Variants in RASSF3 observed in about 807,000 individuals in gnomAD.
The protein encoded by RASSF3 is Ras association domain family member 3.
In RASSF3, 19 loss-of-function variants were observed where a neutral mutation model predicts 19.9. That is an observed-to-expected ratio of 0.96 (90% CI 0.67 to 1.40). The LOEUF (loss-of-function observed/expected upper bound fraction) is 1.40, where lower values mean the gene tolerates loss of function less well. Ranked by LOEUF, RASSF3 falls within the 40% of genes most tolerant of loss-of-function variation. The pLI is 0.00. For missense variants in RASSF3, 306 were observed against 289.8 expected (o/e 1.06, Z -0.41); for synonymous variants, 110 against 104.2 (o/e 1.06, Z -0.34).
chr12:64,675,978 A>G (rs1872884560), intron 1 of RASSF3, among the ~76,000 whole-genome samples: 1 of 151,806 alleles, frequency 6.6e-6, no homozygotes, highest in Non-Finnish European at 1.5e-5. Context: ...AGTGGCCAGG[A>G]TGAATCAGCA....
At chr12:64,524,655 G>A (rs1450590275) in intron 1 of RASSF3, among the ~76,000 whole-genome samples, 1 of 152,096 alleles carries the variant, frequency 6.6e-6, no homozygotes, top group Middle Eastern at 3.2e-3. Context: ...GAGAACCACT[G>A]ACTTTTAATG....
intron 2 of RASSF3, among the ~76,000 whole-genome samples, chr12:64,593,422 A>G (rs1380833490): frequency 6.6e-6 from 1 of 152,080 alleles, no homozygotes; most frequent in East Asian, 1.9e-4. Flanking sequence ...GGGTTTTGCC[A>G]TGTTGCCCAG....
chr12:64,578,836 A>T (rs897869073), intron 2 of RASSF3, among the ~76,000 whole-genome samples: 1 of 152,184 alleles, frequency 6.6e-6, no homozygotes, highest in Non-Finnish European at 1.5e-5. Context: ...CTTGCAATTC[A>T]TAAACTCTAT....
chr12:64,688,355 C>T lies in RASSF3; in HGVS notation c.359C>T (p.Thr120Ile). The part of the protein sequence containing the change: ...MNTLHISSTN[T>I]VGEVIEALLK... Reference sequence around the variant, plus strand: ...ACACTTCATATCAGCAGCACAAACACTGTCGGGGAAGTGATCGAGGCCCTG... The same window carrying T: ...ACACTTCATATCAGCAGCACAAACATTGTCGGGGAAGTGATCGAGGCCCTG... The change falls in exon 3 of 5, where the codon ACT (threonine) becomes ATT (isoleucine). Residue 120 changes from threonine to isoleucine, a missense_variant. Thr to Ile is a moderately conservative substitution (Grantham distance 89, BLOSUM62 -1). Coordinates refer to ENST00000542104, the MANE Select transcript of RASSF3 (RefSeq NM_178169.4). 3 of 1,614,198 alleles carry T rather than the reference C, an allele frequency of 1.9e-6. No homozygotes were observed. The highest frequency in any genetic ancestry group is 2.5e-6 in the Non-Finnish European group (3 of 1,180,022).
chr12:64,533,559 G>T (rs892720618), intron 1 of RASSF3: 1 of 152,138 alleles, frequency 6.6e-6, no homozygotes, highest in Admixed American at 6.5e-5. Flanking sequence ...GTAGGCAAAC[G>T]TGCTTTCAAA....
intron 2 of RASSF3, among the ~76,000 whole-genome samples, chr12:64,571,852 C>CACAA (rs1179769346): frequency 6.6e-6 from 1 of 152,176 alleles, no homozygotes; most frequent in Admixed American, 6.6e-5. Flanking sequence ...TTGCTGCATA[C>CACAA]ACAAAGTAAG....
intron 1 of RASSF3, among the ~76,000 whole-genome samples, chr12:64,618,971 C>T (rs544148932): frequency 6.6e-6 from 1 of 151,982 alleles, no homozygotes; most frequent in South Asian, 2.1e-4. Context: ...TAAAAAATTG[C>T]AATTACATGT....
At chr12:64,622,812 TTTTCTTTTTTC>T (rs1260560336) in intron 1 of RASSF3, among the ~76,000 whole-genome samples, 2 of 151,762 alleles carry the variant, frequency 1.3e-5, no homozygotes, top group East Asian at 3.9e-4. Context: ...ACTGTGAAAA[TTTTCTTTTTTC>T]TTTCTTTTTT....
intron 1 of RASSF3, among the ~76,000 whole-genome samples, chr12:64,675,050 C>A (rs1204949496): frequency 8.5e-6 from 1 of 117,204 alleles, no homozygotes; most frequent in African/African-American, 3.3e-5. Context: ...ACCTAGCCCC[C>A]CCCCCCCCCG....
intron 2 of RASSF3, among the ~76,000 whole-genome samples, chr12:64,550,189 A>G (rs1314735908): frequency 6.6e-6 from 1 of 152,142 alleles, no homozygotes; most frequent in Non-Finnish European, 1.5e-5. Context: ...TCTTGCTTTA[A>G]AACTAAGGAA....
At chr12:64,612,384 C>T (rs1025500559) in intron 1 of RASSF3, among the ~76,000 whole-genome samples, 3 of 151,998 alleles carry the variant, frequency 2.0e-5, no homozygotes, top group African/African-American at 7.2e-5. Context: ...GCCACAAGGG[C>T]CAAACTATTC....
chr12:64,613,377 T>G (rs1870439909), intron 1 of RASSF3, among the ~76,000 whole-genome samples: 1 of 151,338 alleles, frequency 6.6e-6, no homozygotes, highest in South Asian at 2.1e-4. Context: ...CTGTACCACC[T>G]GGTGGAAAAG....
chr12:64,622,289 T>A (rs1222667715), intron 1 of RASSF3, among the ~76,000 whole-genome samples: 2 of 150,624 alleles, frequency 1.3e-5, no homozygotes, highest in Admixed American at 6.6e-5. Flanking sequence ...GTCAAACTCC[T>A]GAGCTCGTTA....
Position 64,602,054 on chromosome 12 carries a change from T to C in RASSF3, c.294+60349T>C, listed in dbSNP as rs147087668. On this transcript the variant is annotated intron_variant, in intron 2 of 5. Coordinates refer to the RASSF3 transcript ENST00000637125. ...ATGGGGTGAACCTGGGAGTCAGAGC[T>C]TGCAGTGAGCTGAGATCATGTCACT... 3.2e-4 allele frequency among the ~76,000 whole-genome samples: 48 copies of C among 148,902 alleles called. 2 individuals are homozygous for C. The East Asian group carries it at 9.3e-3, about 29-fold the overall frequency.
chr12:64,518,489 C>T (rs1868405705), intron 1 of RASSF3, among the ~76,000 whole-genome samples: 1 of 152,158 alleles, frequency 6.6e-6, no homozygotes, highest in African/African-American at 2.4e-5. Flanking sequence ...TTTAAACAAC[C>T]AGATCTCACA....
chr12:64,660,617 A>C (rs542775790), intron 1 of RASSF3, among the ~76,000 whole-genome samples: 18 of 152,314 alleles, frequency 1.2e-4, no homozygotes, highest in African/African-American at 4.3e-4. Context: ...AGTGACTATC[A>C]TTTGCTTTTT....
intron 1 of RASSF3, among the ~76,000 whole-genome samples, chr12:64,625,887 G>C (rs1870972404): frequency 6.6e-6 from 1 of 152,110 alleles, no homozygotes; most frequent in Non-Finnish European, 1.5e-5. Context: ...CTGCTTGGCC[G>C]ACTCTTCAGA....
At chr12:64,649,191 G>GTT (rs34617778) in intron 1 of RASSF3, among the ~76,000 whole-genome samples, 32 of 145,226 alleles carry the variant, frequency 2.2e-4, no homozygotes, top group South Asian at 4.4e-4. Flanking sequence ...AGCCATCTGG[G>GTT]TTTTTTTTTT....
At chr12:64,596,318 T>A (rs1042575900) in intron 2 of RASSF3, among the ~76,000 whole-genome samples, 1 of 152,230 alleles carries the variant, frequency 6.6e-6, no homozygotes, top group Non-Finnish European at 1.5e-5. Context: ...AGTTGATTTT[T>A]TGGCAAACCT....
Sources: gnomAD v4.1 joint callset for allele counts (sites outside exome capture counted in the v4.1 genomes callset) on GRCh38, gnomAD v4.1.1 for gene constraint, MANE v1.5 for transcripts, NCBI Gene and HGNC (gene_info 2026-07-23, HGNC 2026-07-21) for gene names.